The following NTM variants were observed in gnomAD, a reference collection of about 807,000 sequenced individuals.
The protein encoded by NTM is neurotrimin.
NTM carries 13 observed loss-of-function variants against 42.1 expected under a neutral mutation model. The observed-to-expected ratio is 0.31, with a 90% CI of 0.20 to 0.49. NTM has a LOEUF of 0.49. Among genes scored for constraint, NTM ranks in the 20% least tolerant of loss-of-function variants. NTM has a pLI of 0.99. For synonymous variants in NTM, 187 were observed against 179.2 expected, an observed-to-expected ratio of 1.04 and a Z score of -0.35; for missense variants, 373 against 452.8, an observed-to-expected ratio of 0.82 and a Z score of 1.60.
intron 1 of NTM, among the ~76,000 whole-genome samples, chr11:131,492,870 A>T (rs1473938560): frequency 1.3e-5 from 2 of 152,118 alleles, no homozygotes; most frequent in Admixed American, 6.6e-5. Flanking sequence ...TAAGCTGCAA[A>T]CTGTTTGGCC....
At chr11:131,866,710 A>G (rs114378199) in intron 1 of NTM, among the ~76,000 whole-genome samples, 1 of 152,324 alleles carries the variant, frequency 6.6e-6, no homozygotes, top group African/African-American at 2.4e-5. Context: ...TACATTTTAA[A>G]CAGGTTGGTG....
chr11:131,442,755 C>T (rs552092277), intron 1 of NTM, among the ~76,000 whole-genome samples: 19 of 151,934 alleles, frequency 1.3e-4, no homozygotes, highest in African/African-American at 4.1e-4. Context: ...ATAATTTCAT[C>T]GTTTTATGGC....
chr11:131,661,105 C>CCACCAG, intron 1 of NTM: 1 of 1,225,856 alleles, frequency 8.2e-7, no homozygotes, highest in Admixed American at 2.3e-5. Flanking sequence ...GGTCTTCCCC[C>CCACCAG]TAGATTCGGT....
In NTM at chr11:131,525,377, T is replaced by C. The variant is rs533123871; in HGVS notation, c.82+154489T>C. ...TTGAATGTCAGCTGCTGTTGACCAG[T>C]GGTTGCCATAAAGGGTTTGCAGGCG... On this transcript the variant is annotated intron_variant, in intron 1 of 8. Coordinates refer to ENST00000683400, the MANE Select transcript of NTM (RefSeq NM_001352005.2). 1.7e-4 allele frequency among the ~76,000 whole-genome samples: 26 copies of C among 152,266 alleles called. No individual in the cohort carries two copies. In the East Asian group the frequency reaches 4.6e-3, roughly 27 times the overall value.
chr11:131,835,848 G>A (rs1458796412), intron 1 of NTM, among the ~76,000 whole-genome samples: 1 of 152,114 alleles, frequency 6.6e-6, no homozygotes, highest in Admixed American at 6.6e-5. Flanking sequence ...ATATGGATAG[G>A]GACATATCCA....
intron 1 of NTM, among the ~76,000 whole-genome samples, chr11:131,491,640 A>G (rs1954809067): frequency 6.6e-6 from 1 of 152,192 alleles, no homozygotes; most frequent in Non-Finnish European, 1.5e-5. Context: ...TGGAGTTGGT[A>G]TTATCTCCCA....
At chr11:131,502,891 C>G (rs2047013545) in intron 1 of NTM, 2 of 152,254 alleles carry the variant, frequency 1.3e-5, no homozygotes, top group Non-Finnish European at 2.9e-5. Context: ...TTGGCTTTGG[C>G]AGGGCAGAAG....
chr11:131,954,159 C>T (rs2061324149), intron 2 of NTM, among the ~76,000 whole-genome samples: 1 of 152,158 alleles, frequency 6.6e-6, no homozygotes, highest in Non-Finnish European at 1.5e-5. Context: ...TCCTGGCACG[C>T]GATGTCCTCT....
chr11:132,171,838 G>A (rs2076160383), intron 3 of NTM, among the ~76,000 whole-genome samples: 1 of 152,188 alleles, frequency 6.6e-6, no homozygotes, highest in Non-Finnish European at 1.5e-5. Context: ...TGTCTGCAGG[G>A]GATACCTCTG....
chr11:131,460,753 C>G (rs760328476), intron 1 of NTM, among the ~76,000 whole-genome samples: 7 of 152,116 alleles, frequency 4.6e-5, no homozygotes, highest in Non-Finnish European at 1.0e-4. Flanking sequence ...GGGGTTTCAC[C>G]ATGTTGGCCA....
At chr11:132,312,837 A>G in intron 6 of NTM, 1 of 154,472 alleles carries the variant, frequency 6.5e-6, no homozygotes, top group South Asian at 2.0e-4. Context: ...AGCAAGCTGG[A>G]AATGTAAAAG....
chr11:131,869,947 T>C (rs74918136), intron 1 of NTM, among the ~76,000 whole-genome samples: 3,917 of 152,326 alleles, frequency 0.026, 164 homozygotes, highest in African/African-American at 0.089. Flanking sequence ...CCATGTGCTA[T>C]GCAAAAGTCA....
intron 1 of NTM, among the ~76,000 whole-genome samples, chr11:131,876,685 C>G (rs773238658): frequency 6.6e-6 from 1 of 152,148 alleles, no homozygotes; most frequent in African/African-American, 2.4e-5. Flanking sequence ...TCCACAGCAA[C>G]CAGAGCTGAG....
At chr11:131,526,165 G>A (rs1591938889) in intron 1 of NTM, among the ~76,000 whole-genome samples, 1 of 152,234 alleles carries the variant, frequency 6.6e-6, no homozygotes, top group Admixed American at 6.5e-5. Flanking sequence ...AGCCCAAGGT[G>A]TGAGTTAGCA....
intron 1 of NTM, among the ~76,000 whole-genome samples, chr11:131,684,365 G>A (rs557362445): frequency 1.5e-4 from 23 of 152,278 alleles, no homozygotes; most frequent in African/African-American, 5.5e-4. Flanking sequence ...CTCCCCACCT[G>A]GAAACTATAG....
chr11:132,097,989 G>A (rs1236777828), intron 2 of NTM, among the ~76,000 whole-genome samples: 1 of 152,196 alleles, frequency 6.6e-6, no homozygotes, highest in African/African-American at 2.4e-5. Context: ...GCCCAATTAA[G>A]GCAAAGAAAG....
At chr11:131,439,983 A>G (rs746272863) in intron 1 of NTM, among the ~76,000 whole-genome samples, 48 of 146,270 alleles carry the variant, frequency 3.3e-4, no homozygotes, top group Non-Finnish European at 5.4e-4. Flanking sequence ...TGTACTTAAT[A>G]CATTTCTCTT....
intron 2 of NTM, among the ~76,000 whole-genome samples, chr11:131,946,723 T>TA (rs1211111786): frequency 6.6e-6 from 1 of 152,234 alleles, no homozygotes; most frequent in Admixed American, 6.5e-5. Flanking sequence ...TCTCTACAGA[T>TA]AGTATATCAA....
chr11:131,831,831 T>G (rs1464803922), intron 1 of NTM, among the ~76,000 whole-genome samples: 2 of 151,826 alleles, frequency 1.3e-5, no homozygotes, highest in African/African-American at 4.8e-5. Flanking sequence ...AGTGTTCAGA[T>G]TATCTCCGGG....
Sources: gnomAD v4.1 joint callset for allele counts (sites outside exome capture counted in the v4.1 genomes callset) on GRCh38, gnomAD v4.1.1 for gene constraint, MANE v1.5 for transcripts, NCBI Gene and HGNC (gene_info 2026-07-23, HGNC 2026-07-21) for gene names.